TUB: variants seen among roughly 807,000 people sequenced by gnomAD.
The protein encoded by TUB is TUB bipartite transcription factor.
TUB carries 33 observed loss-of-function variants against 59.7 expected under a neutral mutation model. The ratio of observed to expected loss-of-function variants is 0.55; its 90% CI spans 0.42 to 0.74. The LOEUF (loss-of-function observed/expected upper bound fraction) is 0.74, where lower values mean the gene tolerates loss of function less well. TUB is among the 30% of genes least tolerant of loss of function. The pLI is 0.00. For synonymous variants in TUB, 293 were observed against 256.4 expected (o/e 1.14, Z -1.36); for missense variants, 659 against 672.0 (o/e 0.98, Z 0.21).
chr11:8,037,690 G>A (rs1328594890), upstream of TUB, among the ~76,000 whole-genome samples: 1 of 152,220 alleles, frequency 6.6e-6, no homozygotes, highest in Non-Finnish European at 1.5e-5. Context: ...GACAGAAGGT[G>A]ATGTTGTCAT....
intron 8 of TUB, 143 bp downstream of exon 8, chr11:8,097,969 A>G (rs1194653897): frequency 2.1e-5 from 14 of 662,940 alleles, no homozygotes; most frequent in Non-Finnish European, 2.1e-5. Flanking sequence ...ATCACATCCA[A>G]CTGGAGGCCT....
At chr11:8,047,822 G>A (rs1196112048) in intron 2 of TUB, among the ~76,000 whole-genome samples, 2 of 152,190 alleles carry the variant, frequency 1.3e-5, no homozygotes, top group African/African-American at 4.8e-5. Context: ...GTGCCACAAA[G>A]AGCCTGATGC....
rs1943874711 is a variant in TUB at position 8,094,033 on chromosome 11, G to A, written c.254-13G>A. The A allele has an allele frequency of 6.2e-7, 1 of 1,614,160 alleles. No individual in the cohort carries two copies. The stretch of plus-strand genomic sequence containing the variant: ...TGTTTCTCTCTCTCCATCTGGGGAT[G>A]TTTCCTGAGCAGTTCAAGAGGCCGA... On this transcript the variant is annotated splice_polypyrimidine_tract_variant and intron_variant, in intron 3 of 11. Transcript: ENST00000299506.
chr11:8,048,377 G>T (rs188265601), intron 2 of TUB, among the ~76,000 whole-genome samples: 28 of 152,252 alleles, frequency 1.8e-4, no homozygotes, highest in Admixed American at 1.6e-3. Context: ...ATAGATGAAG[G>T]TGCTTTTTGT....
At chr11:8,033,463 C>G (rs1232870018) in intron 1 of TUB, among the ~76,000 whole-genome samples, 1 of 152,222 alleles carries the variant, frequency 6.6e-6, no homozygotes, top group Non-Finnish European at 1.5e-5. Flanking sequence ...CTGAATCCCA[C>G]CAGGCTTGAT....
intron 1 of TUB, among the ~76,000 whole-genome samples, chr11:8,028,850 A>T (rs903424135): frequency 2.0e-5 from 3 of 152,092 alleles, no homozygotes; most frequent in Non-Finnish European, 4.4e-5. Context: ...TCTCCATAAA[A>T]TTTATTTTTT....
chr11:8,038,972 G>A, exon 1 of TUB: 1 of 1,614,024 alleles, frequency 6.2e-7, no homozygotes, highest in South Asian at 1.1e-5. Context: ...TGGGATCTCA[G>A]CATTCAAAGC....
chr11:8,019,275 G>T lies in TUB; in HGVS notation c.-28G>T, dbSNP rs975094233. ...CAAGCCCAGCGCCGCCGCCGCCCGC[G>T]GAGCCCCGAGCGGAGCCGGAGGCGG... On this transcript the variant is annotated 5_prime_UTR_variant, in exon 1 of 12. Coordinates refer to the TUB transcript ENST00000534099. 72 of 1,253,178 alleles carry T rather than the reference G, an allele frequency of 5.7e-5. No individual in the cohort carries two copies. In the African/African-American group the frequency reaches 8.9e-4, roughly 15 times the overall value. The allele number at this position is 1,253,178 out of a possible 1,614,324, so 77.6% of individuals were successfully genotyped here.
At chr11:8,082,545 T>A (rs746303725) in intron 1 of TUB, among the ~76,000 whole-genome samples, 1 of 152,228 alleles carries the variant, frequency 6.6e-6, no homozygotes, top group Non-Finnish European at 1.5e-5. Flanking sequence ...AAATGGGTGC[T>A]GGACTCCTAA....
intron 2 of TUB, among the ~76,000 whole-genome samples, chr11:8,071,114 T>C (rs1412709231): frequency 6.6e-6 from 1 of 152,150 alleles, no homozygotes; most frequent in African/African-American, 2.4e-5. Context: ...TAAGCACTCA[T>C]CACCTCGACT....
chr11:8,054,619 A>G (rs1942988111), intron 2 of TUB, among the ~76,000 whole-genome samples: 2 of 152,264 alleles, frequency 1.3e-5, no homozygotes, highest in African/African-American at 4.8e-5. Flanking sequence ...ATATCTATGC[A>G]TACACCTTGA....
chr11:8,072,110 C>A (rs1943370394), intron 2 of TUB, among the ~76,000 whole-genome samples: 1 of 152,156 alleles, frequency 6.6e-6, no homozygotes, highest in Admixed American at 6.5e-5. Context: ...AGCAGGTGGG[C>A]TGTGATCGGA....
rs1282231766 is a variant in TUB at position 8,105,984 on chromosome 11, G to C, written c.*4365G>C. The C allele has an allele frequency of 6.6e-6, 1 of 152,190 alleles. No individual in the cohort carries two copies. The highest frequency in any genetic ancestry group is 1.5e-5 in the Non-Finnish European group (1 of 68,038). 9.4% of individuals were successfully genotyped at this position (152,190 alleles called of 1,614,324 possible). A position where few individuals can be genotyped will look rare whatever the true frequency, so the allele number is the denominator to read the frequency against. On this transcript the variant is annotated 3_prime_UTR_variant, in exon 12 of 12. Coordinates refer to ENST00000299506, the MANE Select transcript of TUB (RefSeq NM_177972.3). ...AGACTGTGTATGTCTATTTGCACAAGATTGTCTTTTCCTATTTTGGAGTGG... is the reference window on the plus strand; with the variant it reads ...AGACTGTGTATGTCTATTTGCACAACATTGTCTTTTCCTATTTTGGAGTGG...
At chr11:8,068,743 C>T (rs143268992) in intron 2 of TUB, 1,887 of 152,602 alleles carry the variant, frequency 0.012, 16 homozygotes, top group Non-Finnish European at 0.02. Flanking sequence ...TCACCTCTGG[C>T]TGGGTTGACT....
chr11:8,033,363 G>A (rs1469147305), intron 1 of TUB, among the ~76,000 whole-genome samples: 2 of 152,336 alleles, frequency 1.3e-5, no homozygotes, highest in South Asian at 2.1e-4. Context: ...CACTCTCTAG[G>A]TGTCCGCCCC....
chr11:8,051,074 G>A (rs1484109861), intron 2 of TUB, among the ~76,000 whole-genome samples: 42 of 152,142 alleles, frequency 2.8e-4, no homozygotes, highest in Admixed American at 2.7e-3. Context: ...ATCTCAGAGT[G>A]GATGCTGAAA....
chr11:8,079,275 G>A (rs1176932519), upstream of TUB, among the ~76,000 whole-genome samples: 2 of 152,168 alleles, frequency 1.3e-5, no homozygotes, highest in African/African-American at 4.8e-5. Flanking sequence ...GTGGCCTGGA[G>A]GGCGCGGCCT....
chr11:8,096,844 G>T, intron 6 of TUB, 38 bp downstream of exon 6: 1 of 1,607,982 alleles, frequency 6.2e-7, no homozygotes, highest in South Asian at 1.1e-5. Context: ...AGTTTTTGGA[G>T]GACTGCTCAT....
chr11:8,063,228 C>A (rs1030342576), intron 2 of TUB, among the ~76,000 whole-genome samples: 1 of 152,168 alleles, frequency 6.6e-6, no homozygotes, highest in African/African-American at 2.4e-5. Flanking sequence ...TGGAGATGAG[C>A]GCACACAAGG....
Sources: allele counts gnomAD v4.1 joint callset (sites outside exome capture counted in the v4.1 genomes callset), GRCh38; gene constraint gnomAD v4.1.1; transcripts MANE v1.5; gene names NCBI Gene and HGNC (gene_info 2026-07-23, HGNC 2026-07-21).